CDH2: variants seen among roughly 807,000 people sequenced by gnomAD.
The protein encoded by CDH2 is cadherin 2.
In CDH2, 17 loss-of-function variants were observed where a neutral mutation model predicts 92.0. The ratio of observed to expected loss-of-function variants is 0.18; its 90% CI spans 0.13 to 0.28. The LOEUF (loss-of-function observed/expected upper bound fraction) is 0.28, where lower values mean the gene tolerates loss of function less well. Among genes scored for constraint, CDH2 ranks in the 10% least tolerant of loss-of-function variants. The pLI is 1.00. For synonymous variants in CDH2, 419 were observed against 415.9 expected, an observed-to-expected ratio of 1.01 and a Z score of -0.09; for missense variants, 862 against 1,133.1, an observed-to-expected ratio of 0.76 and a Z score of 3.44.
intron 2 of CDH2, among the ~76,000 whole-genome samples, chr18:28,053,898 T>C (rs1348202900): frequency 1.3e-5 from 2 of 152,150 alleles, no homozygotes; most frequent in Admixed American, 6.6e-5. Context: ...TCTTACGGGC[T>C]CCCGAGAATT....
At chr18:28,007,138 C>G (rs1434797445) in intron 5 of CDH2, among the ~76,000 whole-genome samples, 8 of 122,068 alleles carry the variant, frequency 6.6e-5, no homozygotes, top group African/African-American at 2.6e-4. Context: ...CCAGCCTGGG[C>G]AACAGAGTGA....
At chr18:27,972,724 T>C (rs2011697187) in intron 14 of CDH2, among the ~76,000 whole-genome samples, 1 of 152,192 alleles carries the variant, frequency 6.6e-6, no homozygotes, top group Non-Finnish European at 1.5e-5. Context: ...CAACTAACAT[T>C]CTATGAGTGT....
intron 1 of CDH2, among the ~76,000 whole-genome samples, chr18:28,159,520 C>T (rs2016272799): frequency 6.6e-6 from 1 of 152,146 alleles, no homozygotes; most frequent in African/African-American, 2.4e-5. Flanking sequence ...CTTTCAAAGA[C>T]TTCAGCACTT....
intron 2 of CDH2, among the ~76,000 whole-genome samples, chr18:28,057,331 A>G (rs1424701533): frequency 1.3e-5 from 2 of 152,224 alleles, no homozygotes; most frequent in Non-Finnish European, 2.9e-5. Flanking sequence ...TCATGCTAAA[A>G]TTACTGAAAT....
At chr18:28,088,519 A>C (rs2014978453) in intron 2 of CDH2, among the ~76,000 whole-genome samples, 1 of 152,188 alleles carries the variant, frequency 6.6e-6, no homozygotes, top group South Asian at 2.1e-4. Flanking sequence ...CAGCACAAGG[A>C]ATCTTGCAAT....
At chr18:28,003,457 T>A (rs2012828674) in intron 6 of CDH2, among the ~76,000 whole-genome samples, 1 of 152,170 alleles carries the variant, frequency 6.6e-6, no homozygotes, top group Non-Finnish European at 1.5e-5. Context: ...CCAAAAAGGT[T>A]CATTTTAGAC....
At position 27,985,269 on chromosome 18, in the gene CDH2, A is replaced by G. The variant is rs2012192979; in HGVS notation, c.1976-36T>C. 2.5e-6 allele frequency: 3 copies of G among 1,206,878 alleles called. No individual in the cohort carries two copies. In the East Asian group the frequency reaches 7.2e-5, roughly 29 times the overall value. 74.8% of individuals were successfully genotyped at this position (1,206,878 alleles called of 1,614,324 possible). A position where few individuals can be genotyped will look rare whatever the true frequency, so the allele number is the denominator to read the frequency against. On this transcript the variant is annotated intron_variant, in intron 12 of 15. Transcript: ENST00000269141. ...AAGGAAAAACATAGTTTGATAGGTA[A>G]TACTTAAAGCGATAAAAAAACACAT...
intron 14 of CDH2, among the ~76,000 whole-genome samples, chr18:27,965,721 G>A (rs1471728315): frequency 6.6e-6 from 1 of 152,062 alleles, no homozygotes; most frequent in African/African-American, 2.4e-5. Context: ...GACAAAAAGA[G>A]GGATTTAGTC....
intron 2 of CDH2, among the ~76,000 whole-genome samples, chr18:28,141,841 C>A (rs1196390234): frequency 6.6e-6 from 1 of 152,052 alleles, no homozygotes; most frequent in South Asian, 2.1e-4. Context: ...AGGACTCTTG[C>A]ATTTGCTGTT....
At chr18:27,981,505 T>A (rs1029592586) in intron 14 of CDH2, among the ~76,000 whole-genome samples, 1 of 152,186 alleles carries the variant, frequency 6.6e-6, no homozygotes, top group African/African-American at 2.4e-5. Flanking sequence ...AGAGCTGGGG[T>A]ATTGTAAACC....
chr18:27,993,677 T>G (rs756816992), intron 7 of CDH2, 40 bp from the exon 8 acceptor site: 2 of 1,470,088 alleles, frequency 1.4e-6, no homozygotes, highest in Middle Eastern at 3.5e-4. Flanking sequence ...TGAAACTAAT[T>G]CCTCAAGAAG....
chr18:28,062,474 T>C (rs1170055297), intron 2 of CDH2, among the ~76,000 whole-genome samples: 5 of 152,224 alleles, frequency 3.3e-5, no homozygotes, highest in African/African-American at 9.7e-5. Flanking sequence ...ATGAAAACTG[T>C]TATTTCCAAG....
In CDH2 at chr18:27,984,856, G is replaced by A. The variant is rs1170211997; in HGVS notation, c.2209+144C>T. ...GTTTTTTCATTCTAAAGTGGACTTG[G>A]TCGACCCATATATGATTGGCGAGGA... On this transcript the variant is annotated intron_variant, in intron 13 of 15. Coordinates refer to ENST00000269141, the MANE Select transcript of CDH2 (RefSeq NM_001792.5). The A allele has an allele frequency of 3.8e-5, 24 of 633,196 alleles. 1 individual carries two copies. The South Asian group carries it at 4.9e-4, about 13-fold the overall frequency. The allele number at this position is 633,196 out of a possible 1,614,324, so 39.2% of individuals were successfully genotyped here. A position where few individuals can be genotyped will look rare whatever the true frequency, so the allele number is the denominator to read the frequency against.
chr18:28,021,438 A>G (rs1352768945), intron 2 of CDH2, among the ~76,000 whole-genome samples: 1 of 151,900 alleles, frequency 6.6e-6, no homozygotes, highest in Admixed American at 6.6e-5. Flanking sequence ...AATTAAGTCT[A>G]TACACGATTA....
chr18:28,035,516 C>G (rs954343840), intron 2 of CDH2, among the ~76,000 whole-genome samples: 4 of 151,888 alleles, frequency 2.6e-5, no homozygotes, highest in Admixed American at 6.6e-5. Flanking sequence ...TAACAGAGAC[C>G]TCTCATTTAA....
chr18:28,102,365 ACC>A (rs148974235), intron 2 of CDH2, among the ~76,000 whole-genome samples: 2,347 of 152,186 alleles, frequency 0.015, 53 homozygotes, highest in African/African-American at 0.047. Context: ...GGGTATTCTG[ACC>A]CATCTCTGCA....
At chr18:27,986,183 T>A (rs1023891807) in intron 11 of CDH2, among the ~76,000 whole-genome samples, 1 of 152,272 alleles carries the variant, frequency 6.6e-6, no homozygotes, top group Middle Eastern at 3.4e-3. Flanking sequence ...AACATAAGAA[T>A]GCTTTTAACG....
At chr18:28,077,045 T>G (rs955709174) in intron 2 of CDH2, among the ~76,000 whole-genome samples, 1 of 152,184 alleles carries the variant, frequency 6.6e-6, no homozygotes, top group Non-Finnish European at 1.5e-5. Flanking sequence ...CCTATTCATC[T>G]TCTACTTTAG....
chr18:28,039,732 T>C (rs368423813), intron 2 of CDH2, among the ~76,000 whole-genome samples: 19 of 152,298 alleles, frequency 1.2e-4, no homozygotes, highest in African/African-American at 3.6e-4. Context: ...TTTGTAAGGA[T>C]ACTTTTCCTC....
Sources: allele counts gnomAD v4.1 joint callset (sites outside exome capture counted in the v4.1 genomes callset), GRCh38; gene constraint gnomAD v4.1.1; transcripts MANE v1.5; gene names NCBI Gene and HGNC (gene_info 2026-07-23, HGNC 2026-07-21).